The following EPB41L3 variants were observed in gnomAD, a reference collection of about 807,000 sequenced individuals.
The protein encoded by EPB41L3 is band 4.1-like protein 3.
In EPB41L3, 57 loss-of-function variants were observed where a neutral mutation model predicts 127.1. The observed-to-expected ratio is 0.45, with a 90% CI of 0.36 to 0.56. The LOEUF (loss-of-function observed/expected upper bound fraction) is 0.56, where lower values mean the gene tolerates loss of function less well. EPB41L3 is among the 20% of genes least tolerant of loss of function. EPB41L3 has a pLI of 0.00. For missense variants in EPB41L3, 1,273 were observed against 1,372.2 expected (o/e 0.93, Z 1.14); for synonymous variants, 572 against 549.5 (o/e 1.04, Z -0.57).
intron 3 of EPB41L3, among the ~76,000 whole-genome samples, chr18:5,564,604 G>A (rs775063754): frequency 6.6e-6 from 1 of 151,900 alleles, no homozygotes; most frequent in Non-Finnish European, 1.5e-5. Flanking sequence ...TTGAACTGAG[G>A]GCTTCTCCTT....
chr18:5,393,397 G>A lies in EPB41L3; in HGVS notation c.*88C>T, dbSNP rs1220206161. On this transcript the variant is annotated 3_prime_UTR_variant, in exon 23 of 23. Coordinates refer to ENST00000341928, the MANE Select transcript of EPB41L3 (RefSeq NM_012307.5). ...TTCCACGGACAGATACAAGTCAGTT[G>A]GGTTAGAAGAGGGAACTCCATATAG... The A allele has an allele frequency of 6.0e-6, 4 of 671,546 alleles. No homozygotes were observed. Among genetic ancestry groups the A allele is most frequent in the Non-Finnish European group, 8.1e-6 (3 of 372,460 alleles). The allele number at this position is 671,546 out of a possible 1,614,324, so 41.6% of individuals were successfully genotyped here.
intron 3 of EPB41L3, among the ~76,000 whole-genome samples, chr18:5,559,329 G>T (rs2094088624): frequency 1.3e-5 from 2 of 152,112 alleles, no homozygotes; most frequent in South Asian, 4.1e-4. Flanking sequence ...CAGACTTTTT[G>T]CAAAGGCAAA....
chr18:5,400,925 G>T, intron 16 of EPB41L3: 1 of 1,286,382 alleles, frequency 7.8e-7, no homozygotes, highest in Non-Finnish European at 1.1e-6. Context: ...ACTGAAGTCT[G>T]AAGACCAATT....
chr18:5,406,931 T>G lies in EPB41L3; in HGVS notation c.2195A>C (p.Gln732Pro). Residue 732 changes from glutamine to proline, a missense_variant, in exon 16 of 23, where the codon CAA becomes CCA. Around this residue, in one of 3 missense-constraint regions of EPB41L3, gnomAD observed 765 missense variants for 782.9 expected, o/e 0.98. Transcript: ENST00000341928. ...TCTTTTCAGCTCGCTAATGTTGGTTTGATGTTTCATCAGGTCATCTTGAGT... is the reference window on the plus strand; with the variant it reads ...TCTTTTCAGCTCGCTAATGTTGGTTGGATGTTTCATCAGGTCATCTTGAGT... The part of the protein sequence containing the change: ...EKTQDDLMKH[Q>P]TNISELKRTF... 3 of 1,614,210 alleles carry G rather than the reference T, an allele frequency of 1.9e-6. No homozygotes were observed. Among genetic ancestry groups the G allele is most frequent in the Non-Finnish European group, 2.5e-6 (3 of 1,180,028 alleles).
upstream of EPB41L3, among the ~76,000 whole-genome samples, chr18:5,548,926 C>T (rs1035612237): frequency 5.9e-5 from 9 of 152,148 alleles, no homozygotes; most frequent in South Asian, 1.0e-3. Context: ...ATTTTAATCA[C>T]TTTTCCCCCA....
At chr18:5,434,901 T>C (rs191304879) in intron 6 of EPB41L3, among the ~76,000 whole-genome samples, 1 of 152,350 alleles carries the variant, frequency 6.6e-6, no homozygotes, top group East Asian at 1.9e-4. Context: ...GACACTGTTA[T>C]CCTAGGAGAT....
intron 3 of EPB41L3, among the ~76,000 whole-genome samples, chr18:5,454,695 T>G (rs902233876): frequency 7.2e-5 from 11 of 152,224 alleles, no homozygotes; most frequent in African/African-American, 2.7e-4. Context: ...CATCAGTCAA[T>G]CAATAATTGT....
chr18:5,474,883 C>A (rs976340455), intron 3 of EPB41L3, among the ~76,000 whole-genome samples: 1 of 152,198 alleles, frequency 6.6e-6, no homozygotes, highest in Non-Finnish European at 1.5e-5. Context: ...CCTACAGTTT[C>A]TACGGGAACC....
chr18:5,487,350 G>A (rs945069878), intron 2 of EPB41L3, among the ~76,000 whole-genome samples: 1 of 151,530 alleles, frequency 6.6e-6, no homozygotes, highest in Non-Finnish European at 1.5e-5. Flanking sequence ...TAGGGAGGAG[G>A]AGTGATGAAG....
chr18:5,495,688 A>G (rs574483442), intron 1 of EPB41L3, among the ~76,000 whole-genome samples: 1 of 152,324 alleles, frequency 6.6e-6, no homozygotes, highest in East Asian at 1.9e-4. Context: ...TACTTCAGAA[A>G]GATACAAGGG....
At chr18:5,628,670 C>A (rs2094951723) in intron 1 of EPB41L3, among the ~76,000 whole-genome samples, 2 of 152,250 alleles carry the variant, frequency 1.3e-5, no homozygotes, top group Non-Finnish European at 2.9e-5. Flanking sequence ...GGCGGCTTCA[C>A]TTCTGCAGAG....
chr18:5,593,780 G>C (rs558493686), intron 3 of EPB41L3, among the ~76,000 whole-genome samples: 78 of 152,230 alleles, frequency 5.1e-4, no homozygotes, highest in African/African-American at 1.4e-3. Flanking sequence ...CACCTTCAGG[G>C]GCGCATTCTC....
intron 3 of EPB41L3, among the ~76,000 whole-genome samples, chr18:5,553,103 CAG>C (rs1485447865): frequency 1.3e-5 from 2 of 152,112 alleles, no homozygotes; most frequent in African/African-American, 2.4e-5. Context: ...CATTAAAGAA[CAG>C]AAAAAGTCTT....
intron 3 of EPB41L3, among the ~76,000 whole-genome samples, chr18:5,469,542 TGA>T (rs1245411886): frequency 6.6e-6 from 1 of 152,116 alleles, no homozygotes. Flanking sequence ...GGCTTGCCCT[TGA>T]CAGGTGTGGG....
chr18:5,498,083 C>T (rs1434579497), intron 1 of EPB41L3, among the ~76,000 whole-genome samples: 1 of 152,190 alleles, frequency 6.6e-6, no homozygotes, highest in African/African-American at 2.4e-5. Flanking sequence ...GGACTTAGAA[C>T]CACCTCACTA....
intron 1 of EPB41L3, among the ~76,000 whole-genome samples, chr18:5,622,209 C>T (rs2094870791): frequency 6.6e-6 from 1 of 152,054 alleles, no homozygotes; most frequent in African/African-American, 2.4e-5. Context: ...AAAACGTGAT[C>T]CATTAAATAT....
chr18:5,457,242 G>A (rs1429536565), intron 3 of EPB41L3, among the ~76,000 whole-genome samples: 1 of 152,186 alleles, frequency 6.6e-6, no homozygotes, highest in Non-Finnish European at 1.5e-5. Flanking sequence ...AAAAGTAAAA[G>A]ATTCCATACA....
intron 3 of EPB41L3, among the ~76,000 whole-genome samples, chr18:5,469,328 C>T (rs1193315464): frequency 1.3e-5 from 2 of 152,190 alleles, no homozygotes; most frequent in African/African-American, 4.8e-5. Flanking sequence ...TTCCCCTTGT[C>T]CAGACATGGG....
At chr18:5,452,867 G>T (rs1203950975) in intron 3 of EPB41L3, among the ~76,000 whole-genome samples, 1 of 152,088 alleles carries the variant, frequency 6.6e-6, no homozygotes, top group East Asian at 1.9e-4. Flanking sequence ...TCAAGATCCT[G>T]TCACATTACT....
Sources: allele counts gnomAD v4.1 joint callset (sites outside exome capture counted in the v4.1 genomes callset), GRCh38; gene constraint gnomAD v4.1.1; regional missense constraint gnomAD v4.1.1; transcripts MANE v1.5; gene names NCBI Gene and HGNC (gene_info 2026-07-23, HGNC 2026-07-21).